The following INSL3 variants were observed in gnomAD, a reference collection of about 807,000 sequenced individuals.
The protein encoded by INSL3 is insulin-like 3.
In INSL3, 6 loss-of-function variants were observed where a neutral mutation model predicts 5.5. The observed-to-expected ratio is 1.08, with a 90% CI of 0.59 to 2.14. The LOEUF (loss-of-function observed/expected upper bound fraction) is 2.14, where lower values mean the gene tolerates loss of function less well. INSL3 is among the 30% of genes most tolerant of loss of function. The probability of loss-of-function intolerance (pLI) is 0.00; values close to 1 mark genes in which losing one functional copy is unlikely to be tolerated. For synonymous variants in INSL3, 86 were observed against 82.1 expected (o/e 1.05, Z -0.26); for missense variants, 178 against 184.7 (o/e 0.96, Z 0.21).
intron 1 of INSL3, among the ~76,000 whole-genome samples, chr19:17,820,653 G>A (rs2094194174): frequency 6.6e-6 from 1 of 151,980 alleles, no homozygotes; most frequent in African/African-American, 2.4e-5. Context: ...GTGAGACCCT[G>A]TCTCAAAAAA....
Position 17,817,795 on chromosome 19 carries a change from C to CAAAAAAAAAAA in INSL3, c.191-747_191-737dup, listed in dbSNP as rs58956953. Reference sequence around the variant, plus strand: ...AGGTGACAAGAATGAAACTCCATCTCAAAAAAAAAAAAAAAAAAAAAAAGC... The same window carrying CAAAAAAAAAAA: ...AGGTGACAAGAATGAAACTCCATCTCAAAAAAAAAAAAAAAAAAAAAAAAAAAAAAAAAAGC... On this transcript the variant is annotated intron_variant, in intron 1 of 1. Coordinates refer to ENST00000317306, the MANE Select transcript of INSL3 (RefSeq NM_005543.4). Among the ~76,000 whole-genome samples, 7 of 40,322 alleles carry CAAAAAAAAAAA rather than the reference C, an allele frequency of 1.7e-4. 1 individual carries two copies. The highest frequency in any genetic ancestry group is 2.1e-4 in the Non-Finnish European group (5 of 23,354). The allele number at this position is 40,322 out of a possible 152,430, so 26.5% of individuals were successfully genotyped here. A position where few individuals can be genotyped will look rare whatever the true frequency, so the allele number is the denominator to read the frequency against.
In INSL3 at chr19:17,821,444, C is replaced by G; in HGVS notation, c.63G>C (p.Leu21Phe). The G allele has an allele frequency of 6.5e-7, 1 of 1,542,354 alleles. No homozygotes were observed. Reference sequence around the variant, plus strand: ...GCATCTCTGGGGTGGGCGCGGGGCCCAACGCGAACACCAGGGCAGGGCCCA... The same window carrying G: ...GCATCTCTGGGGTGGGCGCGGGGCCGAACGCGAACACCAGGGCAGGGCCCA... Reference protein sequence around the residue: ...VLLGPALVFALGPAPTPEMRE... With the variant: ...VLLGPALVFAFGPAPTPEMRE... Residue 21 changes from leucine (L) to phenylalanine (F), a missense_variant, in exon 1 of 2, where the codon TTG becomes TTC. Transcript: ENST00000317306.
intron 1 of INSL3, among the ~76,000 whole-genome samples, chr19:17,818,299 C>T (rs2080884124): frequency 6.6e-6 from 1 of 152,084 alleles, no homozygotes; most frequent in African/African-American, 2.4e-5. Context: ...AGGGTACAGA[C>T]AGGGAGGCAC....
At chr19:17,819,319 G>A (rs2094192224) in intron 1 of INSL3, among the ~76,000 whole-genome samples, 1 of 151,380 alleles carries the variant, frequency 6.6e-6, no homozygotes, top group African/African-American at 2.4e-5. Context: ...GTCTCATATT[G>A]CCCAGGTTGG....
intron 1 of INSL3, 50 bp downstream of exon 1, chr19:17,821,267 C>T: frequency 6.5e-7 from 1 of 1,534,208 alleles, no homozygotes; most frequent in Non-Finnish European, 8.8e-7. Context: ...CTACGTGCAC[C>T]TGCCCCACCT....
chr19:17,816,955 G>A lies in INSL3; in HGVS notation c.295C>T (p.His99Tyr). 1 of 1,614,098 alleles carries A rather than the reference G, an allele frequency of 6.2e-7. No individual in the cohort carries two copies. The highest frequency in any genetic ancestry group is 8.5e-7 in the Non-Finnish European group (1 of 1,180,012). ...GCTGCACGGTGGTGGCGGTGATGGTGAGAGGTCTGGGGCAGGGGCTGCAGG... is the reference window on the plus strand; with the variant it reads ...GCTGCACGGTGGTGGCGGTGATGGTAAGAGGTCTGGGGCAGGGGCTGCAGG... ...PGLQPLPQTS[H>Y]HHRHHRAAAT... The change falls in exon 2 of 2, where the codon CAC becomes TAC. Residue 99 changes from histidine to tyrosine, a missense_variant. Coordinates refer to ENST00000317306, the MANE Select transcript of INSL3 (RefSeq NM_005543.4).
rs763883213 is a variant in INSL3 at position 17,821,358 on chromosome 19, C to T, written c.149G>A (p.Arg50His). 9 of 1,548,580 alleles carry T rather than the reference C, an allele frequency of 5.8e-6. No individual in the cohort carries two copies. The highest frequency in any genetic ancestry group is 1.2e-5 in the South Asian group (1 of 84,022). Reference protein sequence around the residue: ...RALVRVCGGPRWSTEARRPAT... With the variant: ...RALVRVCGGPHWSTEARRPAT... Reference sequence around the variant, plus strand: ...AGGCCTCCTGGCTTCGGTGGACCAGCGGGGGCCCCCGCACACGCGCACTAG... The same window carrying T: ...AGGCCTCCTGGCTTCGGTGGACCAGTGGGGGCCCCCGCACACGCGCACTAG... The change falls in exon 1 of 2, where the codon CGC (arginine) becomes CAC (histidine). Residue 50 changes from arginine to histidine, a missense_variant. Arg to His is a conservative substitution (Grantham distance 29). Transcript: ENST00000317306.
chr19:17,821,117 G>A (rs140829947), intron 1 of INSL3, among the ~76,000 whole-genome samples, 200 bp downstream of exon 1: 22 of 152,264 alleles, frequency 1.4e-4, no homozygotes, highest in African/African-American at 4.8e-4. Flanking sequence ...CACCACGCCT[G>A]GCTAACGGCT....
chr19:17,817,952 G>A (rs932793724), intron 1 of INSL3, among the ~76,000 whole-genome samples: 1 of 151,980 alleles, frequency 6.6e-6, no homozygotes. Context: ...GCCCTGCCCA[G>A]GGAGTGTCGG....
At chr19:17,821,165 T>G (rs1454039695) in intron 1 of INSL3, 152 bp downstream of exon 1, 9 of 926,016 alleles carry the variant, frequency 9.7e-6, no homozygotes, top group Admixed American at 2.1e-5. Flanking sequence ...CACACTCCAG[T>G]GCGGACCCAC....
At chr19:17,817,104 C>T in intron 1 of INSL3, 45 bp from the exon 2 acceptor site, 1 of 1,541,752 alleles carries the variant, frequency 6.5e-7, no homozygotes, top group Non-Finnish European at 8.8e-7. Flanking sequence ...CGACAGAGGA[C>T]ATGCTACCCC....
intron 1 of INSL3, among the ~76,000 whole-genome samples, chr19:17,820,161 G>A (rs10408251): frequency 0.32 from 49,098 of 151,616 alleles, 8,462 homozygotes; most frequent in East Asian, 0.61. Flanking sequence ...GTGCGTGCCC[G>A]CAGTCCCAGC....
chr19:17,821,443 C>A lies in INSL3; in HGVS notation c.64G>T (p.Gly22Cys), dbSNP rs1356497020. 8.4e-6 allele frequency: 13 copies of A among 1,542,304 alleles called. No homozygotes were observed. In the African/African-American group the frequency reaches 1.7e-4, roughly 20 times the overall value. The stretch of plus-strand genomic sequence containing the variant: ...CGCATCTCTGGGGTGGGCGCGGGGC[C>A]CAACGCGAACACCAGGGCAGGGCCC... ...LLGPALVFAL[G>C]PAPTPEMREK... The change falls in exon 1 of 2, where the codon GGC becomes TGC. Residue 22 changes from glycine (G) to cysteine (C), a missense_variant. By Grantham distance (159) the Gly-to-Cys change is radical. Transcript: ENST00000317306.
chr19:17,821,266 C>T (rs1332828848), intron 1 of INSL3, 51 bp downstream of exon 1: 2 of 1,533,942 alleles, frequency 1.3e-6, no homozygotes, highest in Admixed American at 2.0e-5. Flanking sequence ...CCTACGTGCA[C>T]CTGCCCCACC....
At position 17,821,322 on chromosome 19, in the gene INSL3, C is replaced by CCCA; in HGVS notation, c.184_185insTGG (p.Gly61_Gly62insVal). On this transcript the variant is annotated inframe_insertion, in exon 1 of 2. Coordinates refer to ENST00000317306, the MANE Select transcript of INSL3 (RefSeq NM_005543.4). Reference sequence around the variant, plus strand: ...CCCTGCCCGTCCCCACTCACGGTCGCCTCCGGTCGCAGGCCTCCTGGCTTC... The same window carrying CCCA: ...CCCTGCCCGTCCCCACTCACGGTCGCCCACTCCGGTCGCAGGCCTCCTGGCTTC... 1 of 1,547,172 alleles carries CCCA rather than the reference C, an allele frequency of 6.5e-7. No homozygotes were observed. Among genetic ancestry groups the CCCA allele is most frequent in the Admixed American group, 2.0e-5 (1 of 50,998 alleles).
intron 1 of INSL3, among the ~76,000 whole-genome samples, chr19:17,819,625 A>C (rs2094192612): frequency 6.6e-6 from 1 of 151,908 alleles, no homozygotes; most frequent in Non-Finnish European, 1.5e-5. Context: ...GTGGATCACG[A>C]GATCAGGAGA....
rs2094195758 is a variant in INSL3, at chr19:17,821,458, G to T, written c.49C>A (p.Leu17Met). ...AWALVLLGPA[L>M]VFALGPAPTP... ...GGCGCGGGGCCCAACGCGAACACCA[G>T]GGCAGGGCCCAGCAGCACCAGCGCC... Residue 17 changes from leucine to methionine, a missense_variant, in exon 1 of 2, where the codon CTG becomes ATG. Leu to Met is a conservative substitution (Grantham distance 15, BLOSUM62 2). Coordinates refer to ENST00000317306, the MANE Select transcript of INSL3 (RefSeq NM_005543.4). 2 of 1,533,772 alleles carry T rather than the reference G, an allele frequency of 1.3e-6. No individual in the cohort carries two copies. Among genetic ancestry groups the T allele is most frequent in the African/African-American group, 2.8e-5 (2 of 72,240 alleles).
At chr19:17,820,406 C>A in intron 1 of INSL3, 1 of 397,360 alleles carries the variant, frequency 2.5e-6, no homozygotes, top group East Asian at 9.9e-5. Flanking sequence ...ATCGCTAATC[C>A]CAACACTTTG....
At position 17,816,517 on chromosome 19, in the gene INSL3, T is replaced by C; in HGVS notation, c.*337A>G. ...TTCTAGAGAAAATGCAGGAAGCTGCTTTGGGTCGTTTATTTACTAAGAGAC... is the reference window on the plus strand; with the variant it reads ...TTCTAGAGAAAATGCAGGAAGCTGCCTTGGGTCGTTTATTTACTAAGAGAC... On this transcript the variant is annotated 3_prime_UTR_variant, in exon 2 of 2. Coordinates refer to ENST00000317306, the MANE Select transcript of INSL3 (RefSeq NM_005543.4). The C allele has an allele frequency of 2.7e-6, 1 of 372,658 alleles. No homozygotes were observed. The highest frequency in any genetic ancestry group is 5.1e-6 in the Non-Finnish European group (1 of 196,672). 23.1% of individuals were successfully genotyped at this position (372,658 alleles called of 1,614,324 possible). A position where few individuals can be genotyped will look rare whatever the true frequency, so the allele number is the denominator to read the frequency against.
Sources: allele counts gnomAD v4.1 joint callset (sites outside exome capture counted in the v4.1 genomes callset), GRCh38; gene constraint gnomAD v4.1.1; transcripts MANE v1.5; gene names NCBI Gene and HGNC (gene_info 2026-07-23, HGNC 2026-07-21).